The following HYAL4 variants were observed in gnomAD, a reference collection of about 807,000 sequenced individuals.
HYAL4 encodes the protein hyaluronidase-4.
HYAL4 carries 37 observed loss-of-function variants against 35.2 expected under a neutral mutation model. That is an observed-to-expected ratio of 1.05 (90% CI 0.81 to 1.38). The LOEUF is 1.38. Ranked by LOEUF, HYAL4 falls within the 40% of genes most tolerant of loss-of-function variation. HYAL4 has a pLI of 0.00. For synonymous variants in HYAL4, 198 were observed against 203.2 expected (o/e 0.97, Z 0.22); for missense variants, 572 against 572.4 (o/e 1.00, Z 0.01).
the HYAL4 span, among the ~76,000 whole-genome samples, chr7:123,790,891 A>C: frequency 6.6e-6 from 1 of 151,660 alleles, no homozygotes; most frequent in South Asian, 2.1e-4. Context: ...CAGCCTCCCA[A>C]GTAGCTGGGA....
the HYAL4 span, among the ~76,000 whole-genome samples, chr7:123,807,426 T>C: frequency 3.6e-4 from 54 of 149,740 alleles, no homozygotes; most frequent in Admixed American, 1.3e-4. Flanking sequence ...ACTTTTACTT[T>C]TTATGGTTTT....
chr7:123,817,512 T>TC, the HYAL4 span, among the ~76,000 whole-genome samples: 6 of 144,786 alleles, frequency 4.1e-5, no homozygotes, highest in East Asian at 2.0e-4. Flanking sequence ...TTCTTCTTCT[T>TC]TTTTTTTTTT....
At chr7:123,822,848 C>G in the HYAL4 span, among the ~76,000 whole-genome samples, 2 of 152,250 alleles carry the variant, frequency 1.3e-5, no homozygotes, top group East Asian at 3.9e-4. Context: ...GCTTGTAGTC[C>G]TAGCTTCTCA....
chr7:123,816,675 T>C, the HYAL4 span, among the ~76,000 whole-genome samples: 1 of 152,164 alleles, frequency 6.6e-6, no homozygotes, highest in East Asian at 1.9e-4. Context: ...ATATGCTAAG[T>C]ATCACCTCTG....
intron 2 of HYAL4, among the ~76,000 whole-genome samples, chr7:123,849,421 C>T (rs1806251322): frequency 6.6e-6 from 1 of 151,872 alleles, no homozygotes; most frequent in African/African-American, 2.4e-5. Flanking sequence ...CTGCCTCAGC[C>T]TCCTAAGTAG....
chr7:123,864,245 T>C (rs981619471), intron 2 of HYAL4, among the ~76,000 whole-genome samples: 1 of 152,210 alleles, frequency 6.6e-6, no homozygotes, highest in African/African-American at 2.4e-5. Flanking sequence ...TGTCATTTCA[T>C]TGAAAATCAT....
At chr7:123,800,142 A>G in the HYAL4 span, among the ~76,000 whole-genome samples, 1 of 146,812 alleles carries the variant, frequency 6.8e-6, no homozygotes, top group South Asian at 2.4e-4. Flanking sequence ...CAGCTTGGGC[A>G]ACAAAGAAAG....
the HYAL4 span, among the ~76,000 whole-genome samples, chr7:123,764,737 G>A: frequency 6.6e-6 from 1 of 152,152 alleles, no homozygotes; most frequent in Non-Finnish European, 1.5e-5. Context: ...TGAAACTTCT[G>A]TTCTCACCTG....
At chr7:123,816,171 T>C in the HYAL4 span, among the ~76,000 whole-genome samples, 14 of 152,180 alleles carry the variant, frequency 9.2e-5, no homozygotes, top group African/African-American at 3.4e-4. Flanking sequence ...TATTAATTCC[T>C]AGAAAGTTTT....
At chr7:123,786,580 A>G in the HYAL4 span, among the ~76,000 whole-genome samples, 1 of 152,172 alleles carries the variant, frequency 6.6e-6, no homozygotes, top group Non-Finnish European at 1.5e-5. Context: ...GTTTTAAGAC[A>G]TGTTCCAATG....
chr7:123,773,349 T>C, the HYAL4 span, among the ~76,000 whole-genome samples: 3 of 152,216 alleles, frequency 2.0e-5, no homozygotes, highest in South Asian at 4.1e-4. Context: ...TTAATACTTA[T>C]CTATTTATGA....
chr7:123,789,492 A>G, the HYAL4 span, among the ~76,000 whole-genome samples: 10 of 152,214 alleles, frequency 6.6e-5, no homozygotes, highest in Non-Finnish European at 1.5e-4. Context: ...GTGAATAGTC[A>G]TGTGTCATTG....
the HYAL4 span, among the ~76,000 whole-genome samples, chr7:123,778,669 A>T: frequency 6.6e-6 from 1 of 152,196 alleles, no homozygotes; most frequent in Non-Finnish European, 1.5e-5. Flanking sequence ...CATCAAGAGC[A>T]CATGATGATA....
chr7:123,768,498 T>C, the HYAL4 span, among the ~76,000 whole-genome samples: 1 of 152,226 alleles, frequency 6.6e-6, no homozygotes, highest in Non-Finnish European at 1.5e-5. Flanking sequence ...ATTGCCTCGA[T>C]TCATCCTCAG....
the HYAL4 span, among the ~76,000 whole-genome samples, chr7:123,796,366 A>T: frequency 1.1e-4 from 16 of 152,366 alleles, no homozygotes; most frequent in South Asian, 1.7e-3. Flanking sequence ...TTAAAGAAAC[A>T]TTTACGTGGT....
the HYAL4 span, among the ~76,000 whole-genome samples, chr7:123,801,887 A>G: frequency 1.3e-5 from 2 of 152,222 alleles, no homozygotes; most frequent in East Asian, 3.8e-4. Flanking sequence ...CTCCCCAGCA[A>G]ACCAGACTGC....
In HYAL4 at chr7:123,851,838, C is replaced by T. The variant is rs561307520; in HGVS notation, c.-52+3680C>T. On this transcript the variant is annotated intron_variant, in intron 2 of 4. Coordinates refer to ENST00000223026, the MANE Select transcript of HYAL4 (RefSeq NM_012269.3). The stretch of plus-strand genomic sequence containing the variant: ...CACACTGTCTTCCACAGTGGTTCAA[C>T]TAATTTACATTCCCACCAACAGTGT... 2.0e-4 allele frequency among the ~76,000 whole-genome samples: 31 copies of T among 152,322 alleles called. No individual in the cohort carries two copies. The South Asian group carries it at 5.6e-3, about 27-fold the overall frequency.
rs1200350737 is a variant in HYAL4 at position 123,839,160 on chromosome 7, C to T, written c.-256-5085C>T. ...CAGCTCTCCCACCTCTGACAGGCCA[C>T]GGTGTGTGATGCTCCCCACTCTTTG... On this transcript the variant is annotated intron_variant, in intron 1 of 4. Coordinates refer to the HYAL4 transcript ENST00000489978. Among the ~76,000 whole-genome samples, 4 of 152,090 alleles carry T rather than the reference C, an allele frequency of 2.6e-5. No homozygotes were observed. The South Asian group carries it at 6.2e-4, about 24-fold the overall frequency.
intron 2 of HYAL4, among the ~76,000 whole-genome samples, chr7:123,849,578 A>G (rs1178632117): frequency 6.6e-6 from 1 of 152,172 alleles, no homozygotes; most frequent in Non-Finnish European, 1.5e-5. Flanking sequence ...CTAGGATTAC[A>G]GGTGTGAGCC....
Sources: allele counts gnomAD v4.1 joint callset (sites outside exome capture counted in the v4.1 genomes callset), GRCh38; gene constraint gnomAD v4.1.1; transcripts MANE v1.5; gene names NCBI Gene and HGNC (gene_info 2026-07-23, HGNC 2026-07-21).